Variants in GPD2 observed in about 807,000 individuals in gnomAD.
GPD2 encodes the protein glycerol-3-phosphate dehydrogenase, mitochondrial.
Under a neutral mutation model 82.4 loss-of-function variants are expected in GPD2, and 54 were observed. The ratio of observed to expected loss-of-function variants is 0.66; its 90% CI spans 0.53 to 0.82. The LOEUF is 0.82. GPD2 is among the 40% of genes least tolerant of loss of function. GPD2 has a pLI of 0.00. For synonymous variants in GPD2, 288 were observed against 306.1 expected, an observed-to-expected ratio of 0.94 and a Z score of 0.62; for missense variants, 748 against 896.2, an observed-to-expected ratio of 0.83 and a Z score of 2.11.
At chr2:156,423,548 A>C in the GPD2 span, among the ~76,000 whole-genome samples, 2 of 152,298 alleles carry the variant, frequency 1.3e-5, no homozygotes, top group East Asian at 3.9e-4. Flanking sequence ...ACACTGTTCC[A>C]CATCTATTTT....
intron 13 of GPD2, among the ~76,000 whole-genome samples, chr2:156,575,583 T>C (rs1687790745): frequency 6.6e-6 from 1 of 151,582 alleles, no homozygotes; most frequent in South Asian, 2.1e-4. Context: ...TTAAAATTTT[T>C]TTTGTGGAGA....
chr2:156,457,382 C>G (rs933889503), intron 1 of GPD2, among the ~76,000 whole-genome samples: 6 of 152,150 alleles, frequency 3.9e-5, no homozygotes, highest in African/African-American at 1.2e-4. Context: ...ACGTTGGACT[C>G]CATGTGATTA....
chr2:156,571,364 C>T, intron 13 of GPD2, 72 bp downstream of exon 13: 5 of 951,224 alleles, frequency 5.3e-6, no homozygotes, highest in Non-Finnish European at 6.2e-6. Context: ...TTAGTAGAAG[C>T]TAGCGTAGTT....
chr2:156,467,846 T>G (rs1683200346), intron 1 of GPD2, among the ~76,000 whole-genome samples: 1 of 152,156 alleles, frequency 6.6e-6, no homozygotes, highest in African/African-American at 2.4e-5. Context: ...TCTGATAGCT[T>G]TCAAAAAGTA....
At chr2:156,578,816 C>T in intron 13 of GPD2, 73 bp from the exon 14 acceptor site, 1 of 877,146 alleles carries the variant, frequency 1.1e-6, no homozygotes, top group Non-Finnish European at 1.9e-6. Flanking sequence ...TTCTGAAGAT[C>T]AACAGTAAAA....
chr2:156,584,271 C>CT lies in GPD2; in HGVS notation c.*1359dup, dbSNP rs1688136928. 1 of 151,890 alleles carries CT rather than the reference C, an allele frequency of 6.6e-6. No homozygotes were observed. The highest frequency in any genetic ancestry group is 2.1e-4 in the South Asian group (1 of 4,826). 9.4% of individuals were successfully genotyped at this position (151,890 alleles called of 1,614,324 possible). On this transcript the variant is annotated 3_prime_UTR_variant, in exon 17 of 17. Transcript: ENST00000438166. ...TTCCTCTTGTAAAGTTAACTACTTACTTTTTTGTTGTTGTTTTTTTAACAT... is the reference window on the plus strand; with the variant it reads ...TTCCTCTTGTAAAGTTAACTACTTACTTTTTTTGTTGTTGTTTTTTTAACAT...
chr2:156,577,295 A>G (rs1476679231), intron 13 of GPD2, among the ~76,000 whole-genome samples: 1 of 152,056 alleles, frequency 6.6e-6, no homozygotes, highest in Non-Finnish European at 1.5e-5. Context: ...AGACCAGCCT[A>G]GGCATCACAG....
chr2:156,401,149 C>T, the GPD2 span, among the ~76,000 whole-genome samples: 18 of 152,266 alleles, frequency 1.2e-4, 1 homozygote, highest in Admixed American at 9.2e-4. Context: ...TCAAAACTTG[C>T]ATTGGCCGGG....
chr2:156,549,822 T>A, intron 7 of GPD2, 50 bp downstream of exon 7: 2 of 1,311,426 alleles, frequency 1.5e-6, no homozygotes, highest in Middle Eastern at 3.6e-4. Context: ...TTGCCTAGCT[T>A]ATATAATGAC....
intron 1 of GPD2, among the ~76,000 whole-genome samples, chr2:156,470,564 A>G (rs954748201): frequency 2.6e-5 from 4 of 152,232 alleles, no homozygotes; most frequent in Admixed American, 2.6e-4. Flanking sequence ...AAGAGAGAAG[A>G]CAGGGAGATG....
chr2:156,545,301 A>G (rs930911236), intron 6 of GPD2, among the ~76,000 whole-genome samples: 1 of 152,236 alleles, frequency 6.6e-6, no homozygotes, highest in Non-Finnish European at 1.5e-5. Flanking sequence ...GGGAGCTGCC[A>G]GAGAGGTCAC....
In GPD2 at chr2:156,551,207, AAT is replaced by A. The variant is rs869097212; in HGVS notation, c.971+464_971+465del. ...ATAACTTTTGAAATAGATTAAAAAA[AAT>A]ATTGTAGCAAGCAAAAACCAGATAT... On this transcript the variant is annotated intron_variant, in intron 8 of 16. Coordinates refer to ENST00000438166, the MANE Select transcript of GPD2 (RefSeq NM_000408.5). Among the ~76,000 whole-genome samples the A allele has an allele frequency of 9.4e-5, 8 of 84,796 alleles. No homozygotes were observed. The South Asian group carries it at 1.2e-3, about 12-fold the overall frequency. The allele number at this position is 84,796 out of a possible 152,430, so 55.6% of individuals were successfully genotyped here.
At chr2:156,511,347 A>T (rs565660189) in intron 4 of GPD2, among the ~76,000 whole-genome samples, 1 of 152,340 alleles carries the variant, frequency 6.6e-6, no homozygotes, top group South Asian at 2.1e-4. Flanking sequence ...GAAGGAAAAG[A>T]TGATCTGAGT....
chr2:156,457,645 G>A (rs979021424), intron 1 of GPD2, among the ~76,000 whole-genome samples: 15 of 152,222 alleles, frequency 9.9e-5, no homozygotes, highest in Non-Finnish European at 2.2e-4. Flanking sequence ...CCCAACCTGT[G>A]AGTGTTAAGT....
chr2:156,570,141 A>G lies in GPD2; in HGVS notation c.1531A>G (p.Met511Val). ...YGDKAFEVAK[M>V]ASVTGKRWPI... ...TGATAAGGCCTTTGAGGTGGCCAAAATGGCAAGTGTGACTGGCAAAAGGTG... is the reference window on the plus strand; with the variant it reads ...TGATAAGGCCTTTGAGGTGGCCAAAGTGGCAAGTGTGACTGGCAAAAGGTG... The change falls in exon 12 of 17, where the codon ATG becomes GTG. Residue 511 changes from methionine (M) to valine (V), a missense_variant. This residue lies in a region of GPD2 where 692 missense variants were observed against 809.7 expected (regional missense o/e 0.85). Transcript: ENST00000438166. 1 of 1,612,458 alleles carries G rather than the reference A, an allele frequency of 6.2e-7. No individual in the cohort carries two copies. The highest frequency in any genetic ancestry group is 2.2e-5 in the East Asian group (1 of 44,848).
the GPD2 span, among the ~76,000 whole-genome samples, chr2:156,403,070 G>C: frequency 7.9e-6 from 1 of 126,050 alleles, no homozygotes; most frequent in Non-Finnish European, 1.6e-5. Context: ...AGCCAAGATC[G>C]TGCCACTGCA....
At chr2:156,579,033 T>G (rs762609048) in intron 14 of GPD2, 32 bp downstream of exon 14, 1 of 1,549,368 alleles carries the variant, frequency 6.5e-7, no homozygotes. Flanking sequence ...CTATCTCTCT[T>G]TTTTTTTGGC....
upstream of GPD2, among the ~76,000 whole-genome samples, chr2:156,430,419 G>A (rs1688304553): frequency 6.6e-6 from 1 of 152,134 alleles, no homozygotes; most frequent in Non-Finnish European, 1.5e-5. Context: ...TAAGACTAGT[G>A]CCTGAGATAA....
chr2:156,452,676 G>A (rs1255408738), intron 1 of GPD2, among the ~76,000 whole-genome samples: 2 of 152,218 alleles, frequency 1.3e-5, no homozygotes, highest in Non-Finnish European at 2.9e-5. Context: ...GTTAGAACTA[G>A]AGGATAATAC....
Sources: gnomAD v4.1 joint callset for allele counts (sites outside exome capture counted in the v4.1 genomes callset) on GRCh38, gnomAD v4.1.1 for gene constraint, gnomAD v4.1.1 regional missense constraint, MANE v1.5 for transcripts, NCBI Gene and HGNC (gene_info 2026-07-23, HGNC 2026-07-21) for gene names.